The following RTN4 variants were observed in gnomAD, a reference collection of about 807,000 sequenced individuals.
RTN4 encodes reticulon-4.
A neutral mutation model predicts 90.4 loss-of-function variants in RTN4; 32 were observed. The ratio of observed to expected loss-of-function variants is 0.35; its 90% CI spans 0.27 to 0.48. The LOEUF (loss-of-function observed/expected upper bound fraction) is 0.48, where lower values mean the gene tolerates loss of function less well. Among genes scored for constraint, RTN4 ranks in the 20% least tolerant of loss-of-function variants. The pLI is 0.99. For missense variants in RTN4, 1,706 were observed against 1,430.2 expected, an observed-to-expected ratio of 1.19 and a Z score of -3.11; for synonymous variants, 629 against 552.5, an observed-to-expected ratio of 1.14 and a Z score of -1.94.
chr2:55,119,459 C>T, the RTN4 span, among the ~76,000 whole-genome samples: 5 of 152,096 alleles, frequency 3.3e-5, no homozygotes, highest in South Asian at 2.1e-4. Flanking sequence ...ACAGAGAGCT[C>T]GTGTGATAGC....
the RTN4 span, among the ~76,000 whole-genome samples, chr2:55,133,876 C>G: frequency 2.8e-4 from 42 of 152,148 alleles, no homozygotes; most frequent in Non-Finnish European, 6.0e-4. Context: ...GCCAAGAGAG[C>G]AAAGTGAAAG....
chr2:55,018,812 G>T (rs979735356), intron 3 of RTN4, among the ~76,000 whole-genome samples: 4 of 152,046 alleles, frequency 2.6e-5, no homozygotes, highest in African/African-American at 9.7e-5. Flanking sequence ...CACTGAAAGG[G>T]TTAAAATGGA....
In RTN4 at chr2:55,050,415, C is replaced by T; in HGVS notation, c.-115G>A. The T allele has an allele frequency of 1.9e-6, 1 of 537,580 alleles. No individual in the cohort carries two copies. Among genetic ancestry groups the T allele is most frequent in the Non-Finnish European group, 3.0e-6 (1 of 332,014 alleles). 33.3% of individuals were successfully genotyped at this position (537,580 alleles called of 1,614,324 possible). On this transcript the variant is annotated 5_prime_UTR_variant, in exon 1 of 9. Transcript: ENST00000337526. The surrounding 1 kb of genome is among the most constrained non-coding windows in gnomAD (Gnocchi z 4.6). ...ACTGAGAGGGGCTGGGCCGACTGAG[C>T]CGAGGGACCTACTGTGGTGACGGCT...
chr2:55,047,384 TCA>T (rs1667818811), intron 1 of RTN4, among the ~76,000 whole-genome samples: 1 of 151,660 alleles, frequency 6.6e-6, no homozygotes, highest in African/African-American at 2.4e-5. Flanking sequence ...TTCTCTTACC[TCA>T]GTTTCCCTCA....
At chr2:55,130,326 AC>A in the RTN4 span, among the ~76,000 whole-genome samples, 1 of 152,258 alleles carries the variant, frequency 6.6e-6, no homozygotes, top group East Asian at 1.9e-4. Flanking sequence ...TATAGGACAT[AC>A]AAGTATTTGT....
At chr2:54,997,981 T>TA (rs1025372578) in intron 3 of RTN4, among the ~76,000 whole-genome samples, 2 of 152,188 alleles carry the variant, frequency 1.3e-5, no homozygotes, top group African/African-American at 4.8e-5. Flanking sequence ...CTAGGGGTCT[T>TA]AGAGTCTTAC....
intron 2 of RTN4, among the ~76,000 whole-genome samples, chr2:55,078,619 T>C (rs1668646479): frequency 6.6e-6 from 1 of 152,240 alleles, no homozygotes; most frequent in Non-Finnish European, 1.5e-5. Flanking sequence ...TGCAAGATAC[T>C]ATCCTGTGAG....
intron 1 of RTN4, among the ~76,000 whole-genome samples, chr2:55,030,560 T>C (rs979552909): frequency 6.6e-6 from 1 of 152,132 alleles, no homozygotes; most frequent in Admixed American, 6.6e-5. Flanking sequence ...TTTCTGTGCC[T>C]AATGAAACTT....
chr2:55,063,467 G>T (rs746349862), intron 2 of RTN4, among the ~76,000 whole-genome samples: 1 of 152,090 alleles, frequency 6.6e-6, no homozygotes, highest in African/African-American at 2.4e-5. Flanking sequence ...ACCAGATGGT[G>T]GGGGAGAGGC....
chr2:55,027,443 G>A lies in RTN4; in HGVS notation c.656C>T (p.Ala219Val), dbSNP rs1013052829. 3.1e-6 allele frequency: 5 copies of A among 1,612,652 alleles called. No homozygotes were observed. In the African/African-American group the frequency reaches 6.7e-5, roughly 22 times the overall value. Residue 219 changes from alanine (A) to valine (V), a missense_variant, in exon 3 of 9, where the codon GCT becomes GTT. Ala to Val is a moderately conservative substitution (Grantham distance 64). Transcript: ENST00000337526. The stretch of plus-strand genomic sequence containing the variant: ...GACAGATGGGAAATCCTCTTGACCA[G>A]CCGAAATAGTGTTACCTGGCTGCTC... The part of the protein sequence containing the change: ...LKEQPGNTIS[A>V]GQEDFPSVLL...
intron 1 of RTN4, among the ~76,000 whole-genome samples, chr2:55,096,195 G>A (rs559962570): frequency 3.9e-5 from 6 of 152,148 alleles, no homozygotes; most frequent in Admixed American, 1.3e-4. Flanking sequence ...GCGTGGTGGC[G>A]CATGCCTGTA....
upstream of RTN4, among the ~76,000 whole-genome samples, chr2:55,052,031 G>T (rs367895446): frequency 3.2e-4 from 49 of 152,200 alleles, no homozygotes; most frequent in African/African-American, 1.1e-3. Context: ...GGCTTAATTT[G>T]GGTATTAAAA....
At chr2:54,989,281 G>T (rs1168716664) in intron 3 of RTN4, among the ~76,000 whole-genome samples, 6 of 152,132 alleles carry the variant, frequency 3.9e-5, no homozygotes, top group African/African-American at 1.4e-4. Context: ...TAAATGGTCT[G>T]GCTTGAATGC....
chr2:55,103,516 T>A (rs1037003358), intron 1 of RTN4, among the ~76,000 whole-genome samples: 3 of 152,028 alleles, frequency 2.0e-5, no homozygotes, highest in Non-Finnish European at 4.4e-5. Flanking sequence ...ATATTAATAA[T>A]AAAGGGGCTG....
intron 1 of RTN4, among the ~76,000 whole-genome samples, chr2:55,081,401 C>T (rs369745539): frequency 6.6e-6 from 1 of 152,050 alleles, no homozygotes; most frequent in African/African-American, 2.4e-5. Context: ...AGCTACTACA[C>T]ACCAGAAAAT....
intron 1 of RTN4, among the ~76,000 whole-genome samples, chr2:55,091,050 T>G (rs960807969): frequency 6.6e-6 from 1 of 152,194 alleles, no homozygotes; most frequent in Non-Finnish European, 1.5e-5. Context: ...AACTCCCAGT[T>G]TTGCTCAACT....
rs1310758769 is a variant in RTN4, at chr2:55,059,749, G to A, written c.-63+20740C>T. ...CTCAGGAGGCTGAGGCAGGAGAATC[G>A]CTTGAACCCAGGAGGTGGAGGTTGC... On this transcript the variant is annotated intron_variant, in intron 2 of 3. Coordinates refer to the RTN4 transcript ENST00000427710. Among the ~76,000 whole-genome samples, 6 of 152,014 alleles carry A rather than the reference G, an allele frequency of 3.9e-5. No homozygotes were observed. The South Asian group carries it at 6.2e-4, about 16-fold the overall frequency.
At chr2:55,015,755 ACTAGGCAG>A (rs1285825132) in intron 3 of RTN4, among the ~76,000 whole-genome samples, 1 of 152,246 alleles carries the variant, frequency 6.6e-6, no homozygotes, top group Non-Finnish European at 1.5e-5. Flanking sequence ...AGGAAACAGC[ACTAGGCAG>A]CTGGACAACA....
At chr2:55,048,766 T>C (rs1373314801) in intron 1 of RTN4, among the ~76,000 whole-genome samples, 1 of 152,212 alleles carries the variant, frequency 6.6e-6, no homozygotes, top group Non-Finnish European at 1.5e-5. Flanking sequence ...CTCAAAACAT[T>C]TCTCTGTGTC....
Sources: allele counts gnomAD v4.1 joint callset (sites outside exome capture counted in the v4.1 genomes callset), GRCh38; gene constraint gnomAD v4.1.1; non-coding constraint Gnocchi (gnomAD v3.1); transcripts MANE v1.5; gene names NCBI Gene and HGNC (gene_info 2026-07-23, HGNC 2026-07-21).